TTC28: variants seen among roughly 807,000 people sequenced by gnomAD.
TTC28 encodes tetratricopeptide repeat protein 28.
TTC28 carries 61 observed loss-of-function variants against 198.0 expected under a neutral mutation model. That is an observed-to-expected ratio of 0.31 (90% CI 0.25 to 0.38). The LOEUF (loss-of-function observed/expected upper bound fraction) is 0.38, where lower values mean the gene tolerates loss of function less well. TTC28 is among the 10% of genes least tolerant of loss of function. TTC28 has a pLI of 1.00. For synonymous variants in TTC28, 1,171 were observed against 1,297.8 expected (o/e 0.90, Z 2.10); for missense variants, 2,678 against 3,164.0 (o/e 0.85, Z 3.69).
chr22:28,609,421 C>T (rs1339555810), intron 2 of TTC28, among the ~76,000 whole-genome samples: 1 of 152,166 alleles, frequency 6.6e-6, no homozygotes, highest in Non-Finnish European at 1.5e-5. Flanking sequence ...GTGGGTGCAG[C>T]CCACAGAGGG....
At chr22:28,404,457 C>T (rs888898263) in intron 2 of TTC28, among the ~76,000 whole-genome samples, 40 of 152,086 alleles carry the variant, frequency 2.6e-4, no homozygotes, top group African/African-American at 9.4e-4. Flanking sequence ...AAAAAGCAAA[C>T]GGTGTTGTTG....
At chr22:28,211,939 G>A (rs895675203) in intron 5 of TTC28, among the ~76,000 whole-genome samples, 1 of 152,100 alleles carries the variant, frequency 6.6e-6, no homozygotes, top group Non-Finnish European at 1.5e-5. Flanking sequence ...TCAGACCACA[G>A]TGCAATCAAA....
At chr22:28,321,993 G>A (rs548624742) in intron 2 of TTC28, among the ~76,000 whole-genome samples, 40 of 152,094 alleles carry the variant, frequency 2.6e-4, no homozygotes, top group Middle Eastern at 6.8e-3. Context: ...CACCATGCCC[G>A]GCTAATTTTT....
At chr22:28,287,006 G>A (rs2044698095) in intron 5 of TTC28, among the ~76,000 whole-genome samples, 2 of 152,132 alleles carry the variant, frequency 1.3e-5, no homozygotes, top group Non-Finnish European at 2.9e-5. Context: ...GCAGAGGAAA[G>A]GAGAACTGAC....
chr22:28,494,102 T>C (rs1046858903), intron 2 of TTC28, among the ~76,000 whole-genome samples: 2 of 152,312 alleles, frequency 1.3e-5, no homozygotes, highest in Non-Finnish European at 2.9e-5. Flanking sequence ...GTGATAATGG[T>C]GCAGCCATAT....
At chr22:28,250,454 G>T (rs1284955388) in intron 5 of TTC28, among the ~76,000 whole-genome samples, 1 of 152,042 alleles carries the variant, frequency 6.6e-6, no homozygotes, top group Non-Finnish European at 1.5e-5. Flanking sequence ...GTCATCCTTT[G>T]GTATCCGTAA....
chr22:28,641,364 C>T (rs938789265), intron 1 of TTC28, among the ~76,000 whole-genome samples: 8 of 151,824 alleles, frequency 5.3e-5, no homozygotes, highest in Non-Finnish European at 1.2e-4. Flanking sequence ...CACATTACAA[C>T]ATGGATGAAC....
At chr22:28,601,777 GACACACACACACAC>G (rs34208241) in intron 2 of TTC28, among the ~76,000 whole-genome samples, 41 of 141,552 alleles carry the variant, frequency 2.9e-4, no homozygotes, top group East Asian at 6.3e-4. Context: ...GTAAACCCTA[GACACACACACACAC>G]ACACACACAC....
intron 2 of TTC28, among the ~76,000 whole-genome samples, chr22:28,335,713 C>T (rs985654264): frequency 6.6e-6 from 1 of 152,046 alleles, no homozygotes; most frequent in East Asian, 1.9e-4. Context: ...TGCTGAAGTT[C>T]CTTATCAGCT....
chr22:28,486,569 T>C (rs967595788), intron 2 of TTC28, among the ~76,000 whole-genome samples: 4 of 152,204 alleles, frequency 2.6e-5, no homozygotes, highest in African/African-American at 9.6e-5. Context: ...ATACCTTCCT[T>C]GGTTGAAATA....
At chr22:28,047,274 G>A (rs1217682084) in intron 12 of TTC28, among the ~76,000 whole-genome samples, 1 of 152,202 alleles carries the variant, frequency 6.6e-6, no homozygotes, top group African/African-American at 2.4e-5. Flanking sequence ...GAGTCTCACT[G>A]TCCCATCCTG....
chr22:28,031,797 G>A (rs956309957), intron 12 of TTC28, among the ~76,000 whole-genome samples: 2 of 152,026 alleles, frequency 1.3e-5, no homozygotes, highest in African/African-American at 2.4e-5. Flanking sequence ...TGTTTGTGAG[G>A]GTATTTCTAG....
At chr22:28,573,319 G>A (rs985007458) in intron 2 of TTC28, among the ~76,000 whole-genome samples, 2 of 151,128 alleles carry the variant, frequency 1.3e-5, no homozygotes, top group Non-Finnish European at 2.9e-5. Context: ...GCCCAGTGTG[G>A]TGGCATGCGT....
intron 1 of TTC28, among the ~76,000 whole-genome samples, chr22:28,664,766 G>C (rs1185612977): frequency 4.0e-5 from 1 of 25,300 alleles, no homozygotes. Flanking sequence ...AGCAAGGCAG[G>C]CCAACGTTCA....
At chr22:28,536,674 A>G (rs962907941) in intron 2 of TTC28, among the ~76,000 whole-genome samples, 2 of 152,226 alleles carry the variant, frequency 1.3e-5, no homozygotes, top group African/African-American at 2.4e-5. Context: ...GAATAAATGT[A>G]ATAGTCTGTC....
chr22:28,451,899 T>G (rs2047783400), intron 2 of TTC28, among the ~76,000 whole-genome samples: 2 of 152,174 alleles, frequency 1.3e-5, no homozygotes, highest in South Asian at 4.1e-4. Flanking sequence ...AATTAAAACT[T>G]ATCTGGAATA....
intron 2 of TTC28, among the ~76,000 whole-genome samples, chr22:28,545,876 C>T (rs1334775759): frequency 1.3e-5 from 2 of 151,998 alleles, no homozygotes; most frequent in South Asian, 2.1e-4. Flanking sequence ...GGGGAAGACT[C>T]GATATTGTTA....
intron 12 of TTC28, among the ~76,000 whole-genome samples, chr22:28,069,040 A>T (rs1364251575): frequency 6.6e-6 from 1 of 152,134 alleles, no homozygotes; most frequent in African/African-American, 2.4e-5. Flanking sequence ...GTACTCAGAG[A>T]CCAAAAGGAA....
At chr22:28,243,488 T>C (rs1409796286) in intron 5 of TTC28, among the ~76,000 whole-genome samples, 1 of 151,842 alleles carries the variant, frequency 6.6e-6, no homozygotes, top group Non-Finnish European at 1.5e-5. Flanking sequence ...CTGTGATGGA[T>C]TAGAAATTTA....
Sources: gnomAD v4.1 joint callset for allele counts (sites outside exome capture counted in the v4.1 genomes callset) on GRCh38, gnomAD v4.1.1 for gene constraint, MANE v1.5 for transcripts, NCBI Gene and HGNC (gene_info 2026-07-23, HGNC 2026-07-21) for gene names.